PSD3: variants seen among roughly 807,000 people sequenced by gnomAD.
PSD3 encodes PH and SEC7 domain-containing protein 3.
In PSD3, 49 loss-of-function variants were observed where a neutral mutation model predicts 105.5. The observed-to-expected ratio is 0.46, with a 90% CI of 0.37 to 0.59. The LOEUF (loss-of-function observed/expected upper bound fraction) is 0.59. Ranked by LOEUF, PSD3 falls within the 20% of genes least tolerant of loss-of-function variation. The pLI, the probability that PSD3 is intolerant of heterozygous loss-of-function variation, is 0.00. For missense variants in PSD3, 1,561 were observed against 1,263.8 expected, an observed-to-expected ratio of 1.24 and a Z score of -3.57; for synonymous variants, 557 against 457.8, an observed-to-expected ratio of 1.22 and a Z score of -2.77.
intron 2 of PSD3, among the ~76,000 whole-genome samples, chr8:18,897,919 TTTTA>T (rs1819256324): frequency 6.6e-6 from 1 of 152,138 alleles, no homozygotes; most frequent in Non-Finnish European, 1.5e-5. Context: ...GCTTTCATAG[TTTTA>T]TTTATATAAG....
At chr8:18,954,571 A>G (rs67940952) in intron 1 of PSD3, among the ~76,000 whole-genome samples, 59,586 of 151,906 alleles carry the variant, frequency 0.39, 11,866 homozygotes, top group Non-Finnish European at 0.41. Context: ...CACAAAAAAG[A>G]GTTCTGGTCG....
At chr8:18,790,958 T>G (rs930431859) in intron 8 of PSD3, among the ~76,000 whole-genome samples, 1 of 152,186 alleles carries the variant, frequency 6.6e-6, no homozygotes, top group Non-Finnish European at 1.5e-5. Context: ...AAATCATGAA[T>G]GAACTCCCGT....
At chr8:18,740,557 G>A (rs535211422) in intron 9 of PSD3, among the ~76,000 whole-genome samples, 2 of 152,120 alleles carry the variant, frequency 1.3e-5, no homozygotes, top group African/African-American at 2.4e-5. Context: ...AATCTCAACT[G>A]CTTTTTGAGC....
chr8:18,723,561 TC>T (rs1218897885), intron 9 of PSD3, among the ~76,000 whole-genome samples: 4 of 152,186 alleles, frequency 2.6e-5, no homozygotes, highest in African/African-American at 9.7e-5. Context: ...ATGACAGAGT[TC>T]CCTTTCTATT....
intron 9 of PSD3, among the ~76,000 whole-genome samples, chr8:18,721,922 AC>A (rs1388956654): frequency 6.6e-6 from 1 of 152,120 alleles, no homozygotes; most frequent in Non-Finnish European, 1.5e-5. Flanking sequence ...CACTGAAGGG[AC>A]AACCATTTTT....
chr8:18,538,877 G>C (rs1799983805), intron 15 of PSD3, among the ~76,000 whole-genome samples: 1 of 152,190 alleles, frequency 6.6e-6, no homozygotes, highest in African/African-American at 2.4e-5. Context: ...GGCAGTGCAT[G>C]AGTCATCAGA....
chr8:18,548,180 G>C (rs936658864), intron 15 of PSD3, among the ~76,000 whole-genome samples: 30 of 151,978 alleles, frequency 2.0e-4, no homozygotes, highest in African/African-American at 7.0e-4. Context: ...TCTCTTAATT[G>C]AACTTTTGTT....
intron 10 of PSD3, among the ~76,000 whole-genome samples, chr8:18,637,726 A>G (rs932840202): frequency 1.3e-5 from 2 of 152,226 alleles, no homozygotes; most frequent in Non-Finnish European, 2.9e-5. Context: ...TATTTTTACA[A>G]TGAAAAACTA....
At chr8:19,069,597 G>A (rs1268009581) in intron 1 of PSD3, among the ~76,000 whole-genome samples, 2 of 152,326 alleles carry the variant, frequency 1.3e-5, no homozygotes, top group East Asian at 3.9e-4. Flanking sequence ...GGTCATCATC[G>A]TGATAATACC....
At position 18,605,160 on chromosome 8, in the gene PSD3, G is replaced by A. The variant is rs147234537; in HGVS notation, c.2411-4726C>T. On this transcript the variant is annotated intron_variant, in intron 11 of 15. Coordinates refer to ENST00000327040, the MANE Select transcript of PSD3 (RefSeq NM_015310.4). ...TGACAGCTTGCACCATATATGCCTGGAAAAACCGAAGGCAGTCAATGCCAT... is the reference window on the plus strand; with the variant it reads ...TGACAGCTTGCACCATATATGCCTGAAAAAACCGAAGGCAGTCAATGCCAT... 1.4e-3 allele frequency among the ~76,000 whole-genome samples: 218 copies of A among 152,252 alleles called. 1 individual carries two copies. The highest frequency in any genetic ancestry group is 5.0e-3 in the African/African-American group (208 of 41,548).
At chr8:18,972,990 G>A (rs898899142) in intron 1 of PSD3, among the ~76,000 whole-genome samples, 8 of 152,156 alleles carry the variant, frequency 5.3e-5, no homozygotes, top group African/African-American at 1.9e-4. Flanking sequence ...AAATTAACAA[G>A]ACAAAACTTC....
At chr8:18,931,894 A>G (rs1259938907) in intron 2 of PSD3, among the ~76,000 whole-genome samples, 1 of 151,804 alleles carries the variant, frequency 6.6e-6, no homozygotes, top group Non-Finnish European at 1.5e-5. Flanking sequence ...TGGTTTTCCT[A>G]CAGGAACAGA....
At chr8:18,749,142 A>C (rs2129437167) in intron 9 of PSD3, among the ~76,000 whole-genome samples, 1 of 152,290 alleles carries the variant, frequency 6.6e-6, no homozygotes, top group Non-Finnish European at 1.5e-5. Context: ...ATCTAGAAAA[A>C]TCTGATGTTA....
intron 1 of PSD3, among the ~76,000 whole-genome samples, chr8:19,081,694 C>T (rs1345523688): frequency 6.6e-6 from 1 of 152,174 alleles, no homozygotes; most frequent in African/African-American, 2.4e-5. Flanking sequence ...TTCTTCATTC[C>T]TTATAATACT....
At chr8:19,030,021 T>A (rs1273690283) in intron 1 of PSD3, among the ~76,000 whole-genome samples, 1 of 152,166 alleles carries the variant, frequency 6.6e-6, no homozygotes, top group African/African-American at 2.4e-5. Context: ...TATGGAATAG[T>A]AGTGATAAGA....
intron 9 of PSD3, among the ~76,000 whole-genome samples, chr8:18,747,185 G>A (rs1179497855): frequency 6.6e-6 from 1 of 152,188 alleles, no homozygotes; most frequent in African/African-American, 2.4e-5. Flanking sequence ...ATTGGAGCTT[G>A]GCCTTTTCAT....
chr8:18,560,406 G>T (rs372038746), intron 14 of PSD3, among the ~76,000 whole-genome samples: 161 of 152,166 alleles, frequency 1.1e-3, no homozygotes, highest in African/African-American at 3.8e-3. Context: ...GTTCTTTAGG[G>T]ATGCATACAT....
chr8:18,712,673 C>T (rs1323996980), intron 9 of PSD3, among the ~76,000 whole-genome samples: 1 of 152,072 alleles, frequency 6.6e-6, no homozygotes, highest in African/African-American at 2.4e-5. Flanking sequence ...AGCCCAGGAC[C>T]AGATGCATTA....
chr8:19,051,313 C>T (rs1230848995), intron 1 of PSD3, among the ~76,000 whole-genome samples: 1 of 152,140 alleles, frequency 6.6e-6, no homozygotes, highest in Non-Finnish European at 1.5e-5. Context: ...GGCTTTCCTG[C>T]TTTCTGGGAT....
Sources: gnomAD v4.1 joint callset for allele counts (sites outside exome capture counted in the v4.1 genomes callset) on GRCh38, gnomAD v4.1.1 for gene constraint, MANE v1.5 for transcripts, NCBI Gene and HGNC (gene_info 2026-07-23, HGNC 2026-07-21) for gene names.